SH3BGRL2: variants seen among roughly 807,000 people sequenced by gnomAD.
SH3BGRL2 encodes SH3 domain-binding glutamic acid-rich-like protein 2.
SH3BGRL2 carries 21 observed loss-of-function variants against 14.8 expected under a neutral mutation model. The observed-to-expected ratio is 1.42, with a 90% CI of 1.01 to 2.05. The LOEUF is 2.05. Ranked by LOEUF, SH3BGRL2 falls within the 30% of genes most tolerant of loss-of-function variation. The pLI, the probability that SH3BGRL2 is intolerant of heterozygous loss-of-function variation, is 0.00. For missense variants in SH3BGRL2, 147 were observed against 130.8 expected (o/e 1.12, Z -0.61); for synonymous variants, 50 against 47.8 (o/e 1.05, Z -0.19).
chr6:79,572,753 C>T, the SH3BGRL2 span, among the ~76,000 whole-genome samples: 3 of 152,320 alleles, frequency 2.0e-5, no homozygotes, highest in Admixed American at 2.0e-4. Flanking sequence ...GCGTGAGCCA[C>T]TGCGCCTGGC....
At chr6:79,644,211 C>G (rs1769084956) in intron 1 of SH3BGRL2, among the ~76,000 whole-genome samples, 1 of 152,088 alleles carries the variant, frequency 6.6e-6, no homozygotes, top group South Asian at 2.1e-4. Flanking sequence ...CAAAGGTGTT[C>G]TTGTGAGTGG....
chr6:79,590,455 A>ATATATATG, the SH3BGRL2 span, among the ~76,000 whole-genome samples: 2,588 of 116,064 alleles, frequency 0.022, 122 homozygotes, highest in East Asian at 0.095. Context: ...ATATATATAT[A>ATATATATG]TATATATATG....
chr6:79,582,868 AT>A, the SH3BGRL2 span, among the ~76,000 whole-genome samples: 1 of 152,148 alleles, frequency 6.6e-6, no homozygotes, highest in African/African-American at 2.4e-5. Context: ...ATGGGAGAAA[AT>A]TTTTGCAATC....
At chr6:79,676,145 T>C (rs1769878450) in intron 2 of SH3BGRL2, among the ~76,000 whole-genome samples, 1 of 152,280 alleles carries the variant, frequency 6.6e-6, no homozygotes, top group South Asian at 2.1e-4. Context: ...TGCCTGGCTA[T>C]TGGAGTTCTG....
At chr6:79,641,786 G>T (rs1201534824) in intron 1 of SH3BGRL2, among the ~76,000 whole-genome samples, 3 of 152,128 alleles carry the variant, frequency 2.0e-5, no homozygotes, top group African/African-American at 7.2e-5. Context: ...CTTGAACTGT[G>T]TAAGTTCCTT....
At chr6:79,588,710 A>G in the SH3BGRL2 span, among the ~76,000 whole-genome samples, 1 of 152,212 alleles carries the variant, frequency 6.6e-6, no homozygotes. Flanking sequence ...GCTTCCACAT[A>G]GGTATTATTA....
the SH3BGRL2 span, among the ~76,000 whole-genome samples, chr6:79,613,213 C>A: frequency 6.6e-6 from 1 of 152,192 alleles, no homozygotes; most frequent in African/African-American, 2.4e-5. Flanking sequence ...AAAGAATCTG[C>A]AGCTCAAAAG....
chr6:79,653,242 A>C (rs951144078), intron 1 of SH3BGRL2, among the ~76,000 whole-genome samples: 5 of 152,196 alleles, frequency 3.3e-5, no homozygotes, highest in African/African-American at 1.2e-4. Context: ...ACATCGATCC[A>C]CGTTACTAAT....
chr6:79,550,630 T>C, the SH3BGRL2 span, among the ~76,000 whole-genome samples: 1 of 152,178 alleles, frequency 6.6e-6, no homozygotes, highest in Non-Finnish European at 1.5e-5. Flanking sequence ...CTGACTACTA[T>C]TCCTACTTGG....
rs1303067756 is a variant in SH3BGRL2, at chr6:79,642,238, A to C, written c.45+10732A>C. On this transcript the variant is annotated intron_variant, in intron 1 of 3. Coordinates refer to ENST00000369838, the MANE Select transcript of SH3BGRL2 (RefSeq NM_031469.4). ...CTAGTCTTCATTCCCTAAATAATATAGTATTACAGCTATTTACATAGCATT... is the reference window on the plus strand; with the variant it reads ...CTAGTCTTCATTCCCTAAATAATATCGTATTACAGCTATTTACATAGCATT... 2.6e-5 allele frequency among the ~76,000 whole-genome samples: 4 copies of C among 152,324 alleles called. No individual in the cohort carries two copies. In the East Asian group the frequency reaches 7.7e-4, roughly 29 times the overall value.
intron 1 of SH3BGRL2, among the ~76,000 whole-genome samples, chr6:79,670,123 A>G (rs1769743461): frequency 6.6e-6 from 1 of 152,224 alleles, no homozygotes; most frequent in Non-Finnish European, 1.5e-5. Context: ...AGCTTTGTTT[A>G]TGGACACTGG....
At chr6:79,633,859 G>T (rs1768872434) in intron 1 of SH3BGRL2, among the ~76,000 whole-genome samples, 2 of 152,176 alleles carry the variant, frequency 1.3e-5, no homozygotes, top group Non-Finnish European at 2.9e-5. Context: ...AGGATATTTA[G>T]GTCAATTCTT....
chr6:79,547,013 A>G, the SH3BGRL2 span, among the ~76,000 whole-genome samples: 160 of 152,248 alleles, frequency 1.1e-3, 1 homozygote, highest in African/African-American at 3.6e-3. Flanking sequence ...TTGTGTTGCC[A>G]TTGGAATAAA....
intron 2 of SH3BGRL2, among the ~76,000 whole-genome samples, chr6:79,686,424 G>A (rs1770091270): frequency 6.6e-6 from 1 of 151,482 alleles, no homozygotes; most frequent in East Asian, 1.9e-4. Context: ...GACTTATCTA[G>A]TAATTTCCAT....
At chr6:79,644,402 G>A (rs1769087962) in intron 1 of SH3BGRL2, among the ~76,000 whole-genome samples, 4 of 152,126 alleles carry the variant, frequency 2.6e-5, no homozygotes, top group African/African-American at 9.7e-5. Context: ...TAGGGAGGAG[G>A]CCTGCAGGAG....
At chr6:79,651,240 C>T (rs1769288470) in intron 1 of SH3BGRL2, among the ~76,000 whole-genome samples, 1 of 152,162 alleles carries the variant, frequency 6.6e-6, no homozygotes. Context: ...AGGATTTTGA[C>T]TGTTACAGCA....
intron 2 of SH3BGRL2, among the ~76,000 whole-genome samples, chr6:79,684,771 TCCCACAG>T (rs1412326378): frequency 6.6e-6 from 1 of 152,184 alleles, no homozygotes; most frequent in African/African-American, 2.4e-5. Context: ...AGCTCACCTA[TCCCACAG>T]GTAGCATTTT....
At chr6:79,605,407 G>A in the SH3BGRL2 span, among the ~76,000 whole-genome samples, 150,674 of 152,364 alleles carry the variant, frequency 0.99, 74,525 homozygotes, top group East Asian at 1. Context: ...ATACCTTCAT[G>A]ATCCAGTTTT....
At chr6:79,582,729 G>A in the SH3BGRL2 span, among the ~76,000 whole-genome samples, 1 of 152,234 alleles carries the variant, frequency 6.6e-6, no homozygotes, top group East Asian at 1.9e-4. Context: ...GCATGGGCAA[G>A]GACTTCATGA....
Sources: allele counts gnomAD v4.1 joint callset (sites outside exome capture counted in the v4.1 genomes callset), GRCh38; gene constraint gnomAD v4.1.1; transcripts MANE v1.5; gene names NCBI Gene and HGNC (gene_info 2026-07-23, HGNC 2026-07-21).